MCTP1: variants seen among roughly 807,000 people sequenced by gnomAD.
MCTP1 encodes the protein multiple C2 and transmembrane domain-containing protein 1.
A neutral mutation model predicts 120.6 loss-of-function variants in MCTP1; 69 were observed. The observed-to-expected ratio is 0.57, with a 90% confidence interval of 0.47 to 0.70. MCTP1 has a LOEUF of 0.70. MCTP1 is among the 30% of genes least tolerant of loss of function. MCTP1 has a pLI of 0.00. For synonymous variants in MCTP1, 529 were observed against 493.1 expected, an observed-to-expected ratio of 1.07 and a Z score of -0.96; for missense variants, 1,203 against 1,248.8, an observed-to-expected ratio of 0.96 and a Z score of 0.55.
In MCTP1 at chr5:95,188,663, AC is replaced by A. The variant is rs1749496351; in HGVS notation, c.720+95192del. 3.3e-5 allele frequency among the ~76,000 whole-genome samples: 5 copies of A among 152,254 alleles called. No individual in the cohort carries two copies. The South Asian group carries it at 1.0e-3, about 32-fold the overall frequency. On this transcript the variant is annotated intron_variant, in intron 1 of 22. Coordinates refer to ENST00000515393, the MANE Select transcript of MCTP1 (RefSeq NM_024717.7). Reference sequence around the variant, plus strand: ...AGATTATAGAGATGGAGAATATATTACTCATTTCCAGGGGTTGGGGATGGAG... The same window carrying A: ...AGATTATAGAGATGGAGAATATATTATCATTTCCAGGGGTTGGGGATGGAG...
chr5:94,911,883 T>C (rs1020262267), intron 9 of MCTP1, among the ~76,000 whole-genome samples: 1 of 152,164 alleles, frequency 6.6e-6, no homozygotes, highest in Non-Finnish European at 1.5e-5. Context: ...GTTTGCTGAG[T>C]GATTATGGAC....
intron 1 of MCTP1, among the ~76,000 whole-genome samples, chr5:95,188,419 G>A (rs1227530901): frequency 6.6e-6 from 1 of 152,140 alleles, no homozygotes; most frequent in Non-Finnish European, 1.5e-5. Context: ...TTATACCAGA[G>A]CAATGAAAAC....
chr5:95,266,472 G>A (rs779267168), intron 1 of MCTP1, among the ~76,000 whole-genome samples: 8 of 152,170 alleles, frequency 5.3e-5, no homozygotes, highest in Non-Finnish European at 8.8e-5. Context: ...CAAATAGAAC[G>A]AGAATTACTG....
At chr5:95,048,689 A>G (rs926059631) in intron 1 of MCTP1, among the ~76,000 whole-genome samples, 5 of 152,196 alleles carry the variant, frequency 3.3e-5, no homozygotes, top group Admixed American at 1.3e-4. Context: ...TGTTTGCTCA[A>G]TGCCTGGAAG....
rs934647723 is a variant in MCTP1 at position 94,843,088 on chromosome 5, T to C, written c.2436+25245A>G. 2.6e-5 allele frequency among the ~76,000 whole-genome samples: 4 copies of C among 151,766 alleles called. No homozygotes were observed. The Admixed American group carries it at 2.6e-4, about 10-fold the overall frequency. On this transcript the variant is annotated intron_variant, in intron 17 of 22. Coordinates refer to ENST00000515393, the MANE Select transcript of MCTP1 (RefSeq NM_024717.7). ...TATATATAAAAAATTCTATGAAATATATTTTTTATCAGTCTAGACTGGCCT... is the reference window on the plus strand; with the variant it reads ...TATATATAAAAAATTCTATGAAATACATTTTTTATCAGTCTAGACTGGCCT...
At chr5:94,738,333 A>G (rs1165524816) in intron 19 of MCTP1, among the ~76,000 whole-genome samples, 2 of 152,114 alleles carry the variant, frequency 1.3e-5, no homozygotes, top group South Asian at 2.1e-4. Context: ...TGCCATTTAT[A>G]TCATTCCTCT....
At chr5:94,866,285 C>T (rs957960851) in intron 17 of MCTP1, among the ~76,000 whole-genome samples, 16 of 151,980 alleles carry the variant, frequency 1.1e-4, no homozygotes, top group Admixed American at 9.2e-4. Context: ...AGCTGGAGTA[C>T]TAGGCTAAAA....
chr5:94,992,154 C>A (rs1448490650), intron 2 of MCTP1, among the ~76,000 whole-genome samples: 3 of 152,048 alleles, frequency 2.0e-5, no homozygotes, highest in Non-Finnish European at 2.9e-5. Flanking sequence ...ATGCCGCGTG[C>A]CAGAGCCCAT....
At chr5:94,720,485 T>C (rs879928995) in intron 19 of MCTP1, among the ~76,000 whole-genome samples, 2 of 152,126 alleles carry the variant, frequency 1.3e-5, no homozygotes, top group Non-Finnish European at 2.9e-5. Flanking sequence ...GTACATACAA[T>C]TGATAGATTA....
intron 17 of MCTP1, among the ~76,000 whole-genome samples, chr5:94,855,115 G>A (rs879626255): frequency 1.3e-5 from 2 of 151,834 alleles, no homozygotes; most frequent in Non-Finnish European, 2.9e-5. Flanking sequence ...CTTATAACCC[G>A]CAACTCTGAT....
intron 19 of MCTP1, among the ~76,000 whole-genome samples, chr5:94,732,093 T>C (rs952794694): frequency 6.6e-6 from 1 of 152,178 alleles, no homozygotes; most frequent in Middle Eastern, 3.2e-3. Flanking sequence ...AGCAATTACA[T>C]TTAAACATGG....
Position 95,216,964 on chromosome 5 carries a change from C to T in MCTP1, c.720+66892G>A, listed in dbSNP as rs115455114. 5.9e-3 allele frequency among the ~76,000 whole-genome samples: 891 copies of T among 152,254 alleles called. 11 individuals are homozygous for T. Among genetic ancestry groups the T allele is most frequent in the African/African-American group, 0.021 (871 of 41,550 alleles). On this transcript the variant is annotated intron_variant, in intron 1 of 22. Transcript: ENST00000515393. Reference sequence around the variant, plus strand: ...ATAAAAAGAAGATTTAAATGTTTTTCACTTGGCATTTTTATTGACCATCCA... The same window carrying T: ...ATAAAAAGAAGATTTAAATGTTTTTTACTTGGCATTTTTATTGACCATCCA...
Position 94,714,717 on chromosome 5 carries a change from A to G in MCTP1, c.2720+60T>C, listed in dbSNP as rs114987481. ...AAAGAATGTGGCATTTCACCCTCCA[A>G]GAAACAAATGGACACCTTATCCCAC... On this transcript the variant is annotated intron_variant, in intron 20 of 22. Transcript: ENST00000515393. 7.8e-5 allele frequency: 79 copies of G among 1,017,618 alleles called. No homozygotes were observed. In the African/African-American group the frequency reaches 1.1e-3, roughly 15 times the overall value. 63.0% of individuals were successfully genotyped at this position (1,017,618 alleles called of 1,614,324 possible).
intron 1 of MCTP1, among the ~76,000 whole-genome samples, chr5:95,019,375 A>C (rs933230875): frequency 2.0e-5 from 3 of 151,952 alleles, no homozygotes; most frequent in Non-Finnish European, 4.4e-5. Context: ...GAACTTACTC[A>C]TCTTACAGCT....
rs1747199932 is a variant in MCTP1 at position 95,055,701 on chromosome 5, A to G, written c.721-38217T>C. On this transcript the variant is annotated intron_variant, in intron 1 of 22. Coordinates refer to ENST00000515393, the MANE Select transcript of MCTP1 (RefSeq NM_024717.7). ...GCTGTCTTTGGAGTCTAATGGATGT[A>G]GATTCAGATCTTGCCTGTGTTGCAT... 2.6e-5 allele frequency among the ~76,000 whole-genome samples: 4 copies of G among 152,224 alleles called. No homozygotes were observed. In the South Asian group the frequency reaches 8.3e-4, roughly 31 times the overall value.
intron 1 of MCTP1, among the ~76,000 whole-genome samples, chr5:95,021,085 T>C (rs1838124733): frequency 6.6e-6 from 1 of 152,086 alleles, no homozygotes; most frequent in African/African-American, 2.4e-5. Context: ...AGCCAGACCA[T>C]CTAGGTTCGA....
intron 1 of MCTP1, among the ~76,000 whole-genome samples, chr5:95,236,720 T>C (rs1755584131): frequency 6.6e-6 from 1 of 152,138 alleles, no homozygotes; most frequent in African/African-American, 2.4e-5. Context: ...TTTGTCTCCC[T>C]CCGAAAAATC....
At chr5:95,257,796 TACACAC>T (rs369408591) in intron 1 of MCTP1, among the ~76,000 whole-genome samples, 6 of 125,364 alleles carry the variant, frequency 4.8e-5, no homozygotes, top group Non-Finnish European at 8.3e-5. Flanking sequence ...CCAGAAAACA[TACACAC>T]ACACACACAC....
chr5:94,922,487 T>C (rs1203383734), intron 7 of MCTP1, among the ~76,000 whole-genome samples: 3 of 148,896 alleles, frequency 2.0e-5, no homozygotes, highest in Non-Finnish European at 3.0e-5. Flanking sequence ...GCCATGTATA[T>C]TCCCCCCCTT....
Sources: allele counts gnomAD v4.1 joint callset (sites outside exome capture counted in the v4.1 genomes callset), GRCh38; gene constraint gnomAD v4.1.1; transcripts MANE v1.5; gene names NCBI Gene and HGNC (gene_info 2026-07-23, HGNC 2026-07-21).